Variants in KCNMB2 observed in about 807,000 individuals in gnomAD.
KCNMB2 encodes the protein calcium-activated potassium channel subunit beta-2.
KCNMB2 carries 9 observed loss-of-function variants against 24.5 expected under a neutral mutation model. The observed-to-expected ratio is 0.37, with a 90% CI of 0.22 to 0.64. KCNMB2 has a LOEUF of 0.64. KCNMB2 is among the 30% of genes least tolerant of loss of function. The probability of loss-of-function intolerance (pLI) is 0.63; values close to 1 mark genes in which losing one functional copy is unlikely to be tolerated. For synonymous variants in KCNMB2, 109 were observed against 104.4 expected (o/e 1.04, Z -0.27); for missense variants, 226 against 284.3 (o/e 0.79, Z 1.47).
intron 1 of KCNMB2, among the ~76,000 whole-genome samples, chr3:178,661,520 C>T (rs1720530298): frequency 6.6e-6 from 1 of 152,110 alleles, no homozygotes; most frequent in Admixed American, 6.6e-5. Context: ...CTCTACTCTG[C>T]CACTGTAGTG....
intron 1 of KCNMB2, among the ~76,000 whole-genome samples, chr3:178,580,516 G>C (rs191623009): frequency 3.3e-5 from 5 of 152,284 alleles, no homozygotes; most frequent in African/African-American, 1.2e-4. Flanking sequence ...GTTCTGGCCA[G>C]GGCAATCAGG....
chr3:178,670,384 T>G (rs1560158101), intron 1 of KCNMB2, among the ~76,000 whole-genome samples: 1 of 150,292 alleles, frequency 6.7e-6, no homozygotes, highest in African/African-American at 2.5e-5. Flanking sequence ...TAGAAGCAAA[T>G]GATATTAAAA....
chr3:178,710,666 A>G (rs2108349422), intron 1 of KCNMB2, among the ~76,000 whole-genome samples: 1 of 152,238 alleles, frequency 6.6e-6, no homozygotes, highest in East Asian at 1.9e-4. Context: ...CTCTGTGTAT[A>G]GGAGGAGGCC....
intron 1 of KCNMB2, among the ~76,000 whole-genome samples, chr3:178,715,931 A>C (rs1270366187): frequency 1.3e-5 from 2 of 152,162 alleles, no homozygotes; most frequent in Non-Finnish European, 2.9e-5. Context: ...AACAGCACTG[A>C]TTGAGATCTG....
intron 1 of KCNMB2, among the ~76,000 whole-genome samples, chr3:178,657,137 C>T (rs1449129301): frequency 1.3e-5 from 2 of 152,174 alleles, no homozygotes; most frequent in African/African-American, 4.8e-5. Flanking sequence ...TAGTAAGTAG[C>T]AGAGGCAATA....
At chr3:178,631,578 G>A (rs1364767672) in intron 1 of KCNMB2, among the ~76,000 whole-genome samples, 2 of 152,208 alleles carry the variant, frequency 1.3e-5, no homozygotes, top group African/African-American at 4.8e-5. Flanking sequence ...TGGGCAGATG[G>A]ATGAATGGAT....
At chr3:178,661,616 G>T (rs1720532795) in intron 1 of KCNMB2, among the ~76,000 whole-genome samples, 1 of 152,102 alleles carries the variant, frequency 6.6e-6, no homozygotes, top group Non-Finnish European at 1.5e-5. Context: ...GGCTGAATTT[G>T]ACCCATGGGC....
chr3:178,599,775 G>C (rs1033055999), intron 1 of KCNMB2, among the ~76,000 whole-genome samples: 10 of 151,996 alleles, frequency 6.6e-5, no homozygotes, highest in Non-Finnish European at 1.3e-4. Flanking sequence ...CCTCTCCTCT[G>C]CCAGCCCCTG....
At chr3:178,830,162 T>C (rs1257676081) in intron 4 of KCNMB2, among the ~76,000 whole-genome samples, 1 of 152,218 alleles carries the variant, frequency 6.6e-6, no homozygotes, top group East Asian at 1.9e-4. Context: ...TAAACATATA[T>C]ATTTTGTTAA....
At chr3:178,780,710 G>T (rs1354070613) in intron 1 of KCNMB2, among the ~76,000 whole-genome samples, 1 of 152,136 alleles carries the variant, frequency 6.6e-6, no homozygotes, top group Non-Finnish European at 1.5e-5. Flanking sequence ...TTGAAAATTT[G>T]CATGACCTTG....
intron 1 of KCNMB2, among the ~76,000 whole-genome samples, chr3:178,564,834 T>G (rs951705962): frequency 6.6e-6 from 1 of 152,182 alleles, no homozygotes; most frequent in Non-Finnish European, 1.5e-5. Flanking sequence ...AGAAATACTT[T>G]TTCATGTGTG....
chr3:178,547,537 T>A (rs1219214898), intron 1 of KCNMB2, among the ~76,000 whole-genome samples: 1 of 152,190 alleles, frequency 6.6e-6, no homozygotes, highest in African/African-American at 2.4e-5. Flanking sequence ...CTCTATTTCA[T>A]ATATGTGTGT....
At chr3:178,818,370 A>G (rs887638731) in intron 2 of KCNMB2, among the ~76,000 whole-genome samples, 1 of 152,078 alleles carries the variant, frequency 6.6e-6, no homozygotes, top group Non-Finnish European at 1.5e-5. Flanking sequence ...TATCAACCCA[A>G]CACCTAGGTA....
chr3:178,750,571 G>A (rs182290059), intron 1 of KCNMB2, among the ~76,000 whole-genome samples: 25 of 152,222 alleles, frequency 1.6e-4, no homozygotes, highest in Admixed American at 4.6e-4. Context: ...CCTTGCCGTC[G>A]TCTAATCTAA....
chr3:178,839,235 T>C (rs906034168), intron 4 of KCNMB2, among the ~76,000 whole-genome samples: 1 of 151,658 alleles, frequency 6.6e-6, no homozygotes, highest in Non-Finnish European at 1.5e-5. Flanking sequence ...GGCACATTTA[T>C]AAACCAAGGA....
At position 178,733,973 on chromosome 3, in the gene KCNMB2, A is replaced by G. The variant is rs572077480; in HGVS notation, c.-67-73370A>G. 4.5e-3 allele frequency among the ~76,000 whole-genome samples: 690 copies of G among 152,334 alleles called. 3 individuals are homozygous for G. Among genetic ancestry groups the G allele is most frequent in the Non-Finnish European group, 7.6e-3 (519 of 68,028 alleles). On this transcript the variant is annotated intron_variant, in intron 1 of 4. Coordinates refer to ENST00000452583, the MANE Select transcript of KCNMB2 (RefSeq NM_181361.3). ...AATTCTAGGTGTATTTTAAAAGCAG[A>G]GCCAATAATAGGATTTTCTGACCAG...
At chr3:178,556,078 A>C (rs115988673) in intron 1 of KCNMB2, among the ~76,000 whole-genome samples, 1 of 152,190 alleles carries the variant, frequency 6.6e-6, no homozygotes, top group African/African-American at 2.4e-5. Flanking sequence ...GATAACCAGA[A>C]TTTAGAAGCC....
At chr3:178,601,909 C>A (rs1005412407) in intron 1 of KCNMB2, among the ~76,000 whole-genome samples, 5 of 152,144 alleles carry the variant, frequency 3.3e-5, no homozygotes, top group African/African-American at 1.2e-4. Context: ...ATTGTCTGAC[C>A]ATTTTGAGGA....
chr3:178,607,662 T>C lies in KCNMB2; in HGVS notation c.-68+70951T>C, dbSNP rs1371654860. Among the ~76,000 whole-genome samples the C allele has an allele frequency of 2.0e-5, 3 of 152,012 alleles. No individual in the cohort carries two copies. In the East Asian group the frequency reaches 5.8e-4, roughly 29 times the overall value. ...GTGTGTGTGTGTGTGTATGTGTGCA[T>C]AAACACATACAAGTTTGTGTTTCAG... On this transcript the variant is annotated intron_variant, in intron 1 of 4. Transcript: ENST00000452583.
Sources: allele counts gnomAD v4.1 joint callset (sites outside exome capture counted in the v4.1 genomes callset), GRCh38; gene constraint gnomAD v4.1.1; transcripts MANE v1.5; gene names NCBI Gene and HGNC (gene_info 2026-07-23, HGNC 2026-07-21).